The following FBXO7 variants were observed in gnomAD, a reference collection of about 807,000 sequenced individuals.
FBXO7 encodes the protein F-box protein 7.
In FBXO7, 31 loss-of-function variants were observed where a neutral mutation model predicts 50.2. That is an observed-to-expected ratio of 0.62 (90% CI 0.46 to 0.83). The LOEUF (loss-of-function observed/expected upper bound fraction) is 0.83, where lower values mean the gene tolerates loss of function less well. Among genes scored for constraint, FBXO7 ranks in the 40% least tolerant of loss-of-function variants. The probability of loss-of-function intolerance (pLI) is 0.00; values close to 1 mark genes in which losing one functional copy is unlikely to be tolerated. For missense variants in FBXO7, 667 were observed against 646.6 expected (o/e 1.03, Z -0.34); for synonymous variants, 256 against 253.1 (o/e 1.01, Z -0.11).
chr22:32,475,461 C>G (rs547959160), intron 1 of FBXO7: 31 of 1,588,712 alleles, frequency 2.0e-5, no homozygotes, highest in Admixed American at 1.7e-4. Context: ...CGCACAATTT[C>G]CACAACTGGT....
In FBXO7 at chr22:32,498,387, C is replaced by T; in HGVS notation, c.1426C>T (p.Pro476Ser). Reference protein sequence around the residue: ...PGPGETPSQFPPLRPRFDPVG... With the variant: ...PGPGETPSQFSPLRPRFDPVG... ...TCCTGGGGAGACGCCCAGCCAGTTT[C>T]CTCCACTGAGACCACGCTTTGATCC... Residue 476 changes from proline (P) to serine (S), a missense_variant, in exon 9 of 9, where the codon CCT (proline) becomes TCT (serine). By Grantham distance (74) the Pro-to-Ser change is moderately conservative. Transcript: ENST00000266087. 1 of 1,614,208 alleles carries T rather than the reference C, an allele frequency of 6.2e-7. No individual in the cohort carries two copies. Among genetic ancestry groups the T allele is most frequent in the Non-Finnish European group, 8.5e-7 (1 of 1,180,040 alleles).
Position 32,474,814 on chromosome 22 carries a change from C to G in FBXO7, c.-189C>G, listed in dbSNP as rs2057414797. On this transcript the variant is annotated 5_prime_UTR_variant, in exon 1 of 9. Transcript: ENST00000266087. ...CGCCCTCAGGAGAGGGGCGGGCGCTCTATTCCAGAGACCGAGTGGCAGGGC... is the reference window on the plus strand; with the variant it reads ...CGCCCTCAGGAGAGGGGCGGGCGCTGTATTCCAGAGACCGAGTGGCAGGGC... 1.3e-5 allele frequency: 8 copies of G among 606,990 alleles called. No individual in the cohort carries two copies. Among genetic ancestry groups the G allele is most frequent in the African/African-American group, 2.0e-5 (1 of 50,450 alleles). The allele number at this position is 606,990 out of a possible 1,614,324, so 37.6% of individuals were successfully genotyped here.
rs149552421 is a variant in FBXO7 at position 32,498,346 on chromosome 22, G to T, written c.1385G>T (p.Ser462Ile). 140 of 1,614,052 alleles carry T rather than the reference G, an allele frequency of 8.7e-5. No individual in the cohort carries two copies. The highest frequency in any genetic ancestry group is 1.1e-4 in the Non-Finnish European group (133 of 1,180,048). Residue 462 changes from serine to isoleucine, a missense_variant, in exon 9 of 9, where the codon AGT (serine) becomes ATT (isoleucine). Transcript: ENST00000266087. The part of the protein sequence containing the change: ...PTLPYVGDPI[S>I]SLIPGPGETP... ...CTTCCCTATGTTGGAGACCCAATCA[G>T]TTCACTCATTCCTGGTCCTGGGGAG...
rs1423528304 is a variant in FBXO7 at position 32,498,348 on chromosome 22, T to C, written c.1387T>C (p.Ser463Pro). The change falls in exon 9 of 9, where the codon TCA (serine) becomes CCA (proline). Residue 463 changes from serine (S) to proline (P), a missense_variant. Transcript: ENST00000266087. ...TLPYVGDPIS[S>P]LIPGPGETPS... ...TCCCTATGTTGGAGACCCAATCAGT[T>C]CACTCATTCCTGGTCCTGGGGAGAC... 1 of 1,614,130 alleles carries C rather than the reference T, an allele frequency of 6.2e-7. No individual in the cohort carries two copies. Among genetic ancestry groups the C allele is most frequent in the East Asian group, 2.2e-5 (1 of 44,868 alleles).
Position 32,493,087 on chromosome 22 carries a change from C to G in FBXO7, c.968-18C>G, listed in dbSNP as rs1171799027. On this transcript the variant is annotated intron_variant, in intron 6 of 8. Coordinates refer to ENST00000266087, the MANE Select transcript of FBXO7 (RefSeq NM_012179.4). ...CTTTACTCAGTAATACCTGTTACTT[C>G]TCTTTTTTTCCTTTTAGCACTGAAC... 3.1e-6 allele frequency: 5 copies of G among 1,613,576 alleles called. No individual in the cohort carries two copies. The Admixed American group carries it at 8.3e-5, about 27-fold the overall frequency.
At chr22:32,487,027 A>G (rs1284410439) in intron 4 of FBXO7, among the ~76,000 whole-genome samples, 1 of 147,796 alleles carries the variant, frequency 6.8e-6, no homozygotes, top group African/African-American at 2.5e-5. Flanking sequence ...TAACTGCTGA[A>G]TGTCTTGATG....
intron 4 of FBXO7, among the ~76,000 whole-genome samples, chr22:32,485,486 T>A (rs1013638418): frequency 5.9e-5 from 9 of 152,186 alleles, no homozygotes; most frequent in Admixed American, 5.9e-4. Flanking sequence ...TATTTAATAT[T>A]ATCCAATATT....
chr22:32,491,884 AT>A (rs1365625892), intron 6 of FBXO7: 1 of 152,104 alleles, frequency 6.6e-6, no homozygotes, highest in Non-Finnish European at 1.5e-5. Context: ...TTACAGTGAA[AT>A]TTACTTCTCA....
At chr22:32,487,679 C>T in intron 4 of FBXO7, 66 bp from the exon 5 acceptor site, 1 of 1,012,062 alleles carries the variant, frequency 9.9e-7, no homozygotes, top group South Asian at 1.3e-5. Context: ...CAAGCCCATA[C>T]TAAAAAAGAA....
intron 8 of FBXO7, among the ~76,000 whole-genome samples, chr22:32,495,811 A>T (rs1270970483): frequency 6.6e-6 from 1 of 152,234 alleles, no homozygotes; most frequent in Non-Finnish European, 1.5e-5. Flanking sequence ...TGGAGTAGTC[A>T]TCAGCTGTTC....
chr22:32,477,748 A>G (rs2057438136), intron 1 of FBXO7, among the ~76,000 whole-genome samples: 1 of 152,218 alleles, frequency 6.6e-6, no homozygotes, highest in Non-Finnish European at 1.5e-5. Flanking sequence ...AGGATATTGA[A>G]TAGACATCCT....
intron 4 of FBXO7, among the ~76,000 whole-genome samples, chr22:32,486,923 G>A (rs1165260067): frequency 1.3e-5 from 2 of 152,196 alleles, no homozygotes; most frequent in African/African-American, 4.8e-5. Context: ...TAAATGTGTA[G>A]TTGCAAATTT....
chr22:32,484,363 C>T (rs1458235268), intron 3 of FBXO7, among the ~76,000 whole-genome samples: 3 of 152,116 alleles, frequency 2.0e-5, no homozygotes, highest in Non-Finnish European at 4.4e-5. Flanking sequence ...ACCTGGGGAC[C>T]TTATTAAAAT....
intron 1 of FBXO7, among the ~76,000 whole-genome samples, chr22:32,477,557 C>T (rs1039547853): frequency 6.6e-6 from 1 of 152,072 alleles, no homozygotes; most frequent in African/African-American, 2.4e-5. Context: ...TTTGGGTTTG[C>T]GCTATGTTCC....
At chr22:32,485,379 A>G (rs2145994498) in intron 4 of FBXO7, among the ~76,000 whole-genome samples, 170 bp downstream of exon 4, 1 of 152,328 alleles carries the variant, frequency 6.6e-6, no homozygotes, top group Non-Finnish European at 1.5e-5. Flanking sequence ...ATCATGGAAT[A>G]TGAGGTTGTT....
Position 32,485,129 on chromosome 22 carries a change from T to C in FBXO7, c.707T>C (p.Leu236Pro), listed in dbSNP as rs1023789447. 6.2e-7 allele frequency: 1 copy of C among 1,614,106 alleles called. No homozygotes were observed. Among genetic ancestry groups the C allele is most frequent in the Non-Finnish European group, 8.5e-7 (1 of 1,180,050 alleles). ...TGGAAGTTGAGCGGGGTGTATAAGC[T>C]GCAGTACATGCATCCTCTCTGCGAG... ...EKWKLSGVYKLQYMHPLCEGS... is the reference protein window; with the variant it reads ...EKWKLSGVYKPQYMHPLCEGS... Residue 236 changes from leucine to proline, a missense_variant, in exon 4 of 9, where the codon CTG becomes CCG. Physicochemically the swap from Leu to Pro is moderately conservative, Grantham distance 98. Coordinates refer to ENST00000266087, the MANE Select transcript of FBXO7 (RefSeq NM_012179.4).
At chr22:32,494,900 A>T (rs914625534) in intron 7 of FBXO7, among the ~76,000 whole-genome samples, 29 of 152,196 alleles carry the variant, frequency 1.9e-4, no homozygotes, top group Admixed American at 1.9e-3. Context: ...TTGTATACTT[A>T]AAGTTGAATG....
chr22:32,498,146 G>T lies in FBXO7; in HGVS notation c.1185G>T (p.Leu395=). The T allele has an allele frequency of 6.2e-7, 1 of 1,614,080 alleles. No homozygotes were observed. Among genetic ancestry groups the T allele is most frequent in the Non-Finnish European group, 8.5e-7 (1 of 1,179,982 alleles). Residue 395 remains leucine (L), a splice_region_variant and synonymous_variant, in exon 9 of 9, where the codon CTG becomes CTT. Coordinates refer to ENST00000266087, the MANE Select transcript of FBXO7 (RefSeq NM_012179.4). ...TTTTATTTTTCTTTTTTCTACAGCTGTACAGGAAGAGGCACATACAAAGAA... is the reference window on the plus strand; with the variant it reads ...TTTTATTTTTCTTTTTTCTACAGCTTTACAGGAAGAGGCACATACAAAGAA... The part of the protein sequence containing the change: ...VRVQDTDWKE[L]YRKRHIQRKE...
At chr22:32,480,948 G>A (rs576233829) in intron 2 of FBXO7, among the ~76,000 whole-genome samples, 24 of 152,166 alleles carry the variant, frequency 1.6e-4, no homozygotes, top group Non-Finnish European at 3.1e-4. Context: ...TTACAGATGT[G>A]AGCCACCGTG....
Sources: gnomAD v4.1 joint callset for allele counts (sites outside exome capture counted in the v4.1 genomes callset) on GRCh38, gnomAD v4.1.1 for gene constraint, MANE v1.5 for transcripts, NCBI Gene and HGNC (gene_info 2026-07-23, HGNC 2026-07-21) for gene names.